The following ARGLU1 variants were observed in gnomAD, a reference collection of about 807,000 sequenced individuals.
ARGLU1 encodes arginine and glutamate rich 1, also known as arginine and glutamate-rich protein 1.
In ARGLU1, 9 loss-of-function variants were observed where a neutral mutation model predicts 37.6. That is an observed-to-expected ratio of 0.24 (90% CI 0.14 to 0.42). The LOEUF is 0.42. Among genes scored for constraint, ARGLU1 ranks in the 10% least tolerant of loss-of-function variants. The pLI, the probability that ARGLU1 is intolerant of heterozygous loss-of-function variation, is 1.00. For synonymous variants in ARGLU1, 166 were observed against 138.5 expected, an observed-to-expected ratio of 1.20 and a Z score of -1.39; for missense variants, 211 against 359.2, an observed-to-expected ratio of 0.59 and a Z score of 3.34.
At chr13:106,549,831 G>A (rs1880489667) in intron 3 of ARGLU1, among the ~76,000 whole-genome samples, 1 of 152,212 alleles carries the variant, frequency 6.6e-6, no homozygotes, top group Non-Finnish European at 1.5e-5. Flanking sequence ...AAAGGAGGAA[G>A]TGACTGAGAT....
chr13:106,548,182 A>C (rs1880443219), intron 3 of ARGLU1, among the ~76,000 whole-genome samples: 1 of 152,228 alleles, frequency 6.6e-6, no homozygotes, highest in Admixed American at 6.5e-5. Flanking sequence ...CTTTGACAAA[A>C]AAAAAGACTA....
Position 106,567,566 on chromosome 13 carries a change from C to A in ARGLU1, c.347+7G>T, listed in dbSNP as rs765294578. 2 of 1,583,814 alleles carry A rather than the reference C, an allele frequency of 1.3e-6. No individual in the cohort carries two copies. The highest frequency in any genetic ancestry group is 3.3e-5 in the Admixed American group (2 of 59,902). On this transcript the variant is annotated splice_region_variant and intron_variant, in intron 1 of 3. Transcript: ENST00000400198. The surrounding 1 kb of genome is among the most constrained non-coding windows in gnomAD (Gnocchi z 4.3). ...ACGCCCCGGTCCCTCCCCGCGCGGG[C>A]ACTCACATTTTTCGCTGCCGCTCGA...
chr13:106,560,486 A>T (rs1489408500), intron 1 of ARGLU1, among the ~76,000 whole-genome samples: 1 of 152,234 alleles, frequency 6.6e-6, no homozygotes. Context: ...GACAGCCACC[A>T]GTCATATGTG....
At chr13:106,544,523 T>C (rs1880343132) in intron 3 of ARGLU1, among the ~76,000 whole-genome samples, 1 of 151,284 alleles carries the variant, frequency 6.6e-6, no homozygotes, top group South Asian at 2.1e-4. Context: ...ATTTTGGAAG[T>C]GGAAATTAAT....
At chr13:106,554,169 G>A (rs981848170) in intron 3 of ARGLU1, among the ~76,000 whole-genome samples, 1 of 152,150 alleles carries the variant, frequency 6.6e-6, no homozygotes, top group South Asian at 2.1e-4. Flanking sequence ...CATGGTATTA[G>A]TAACTTTTTT....
intron 1 of ARGLU1, among the ~76,000 whole-genome samples, chr13:106,562,892 A>G (rs952942366): frequency 1.3e-5 from 2 of 150,252 alleles, no homozygotes; most frequent in African/African-American, 4.9e-5. Context: ...GGGTGCCTGC[A>G]GTCCCAGCTA....
intron 1 of ARGLU1, chr13:106,561,917 AGGCAG>A (rs1880811837): frequency 6.6e-6 from 1 of 152,254 alleles, no homozygotes; most frequent in Admixed American, 6.5e-5. Flanking sequence ...CAGGCAGTAC[AGGCAG>A]GCCGTGGGCT....
At chr13:106,555,727 G>A (rs1181561281) in intron 3 of ARGLU1, among the ~76,000 whole-genome samples, 2 of 152,066 alleles carry the variant, frequency 1.3e-5, no homozygotes, top group African/African-American at 4.8e-5. Flanking sequence ...AATAATAGAG[G>A]ACTGTAAGAA....
At chr13:106,551,687 A>C (rs887792540) in intron 3 of ARGLU1, among the ~76,000 whole-genome samples, 1 of 152,208 alleles carries the variant, frequency 6.6e-6, no homozygotes, top group African/African-American at 2.4e-5. Context: ...AAGGGTGTCC[A>C]TTCTCCTTCT....
intron 3 of ARGLU1, among the ~76,000 whole-genome samples, chr13:106,546,019 T>C (rs1178436349): frequency 2.0e-5 from 3 of 152,234 alleles, no homozygotes; most frequent in Non-Finnish European, 4.4e-5. Context: ...ATCTGCCCTT[T>C]ACACTTTCCC....
chr13:106,563,493 A>G (rs1409238883), intron 1 of ARGLU1, among the ~76,000 whole-genome samples: 1 of 152,046 alleles, frequency 6.6e-6, no homozygotes, highest in African/African-American at 2.4e-5. Flanking sequence ...CACAGATTTA[A>G]CGACCAAAAA....
Position 106,544,130 on chromosome 13 carries a change from GTTC to G in ARGLU1, c.685_687del (p.Glu229del), listed in dbSNP as rs1209768324. ...ATCCTTTCCTCATGAATCTTTCTTT[GTTC>G]TTCAACAATTCTCAACTGTTCTTCG... On this transcript the variant is annotated inframe_deletion, in exon 4 of 4. Transcript: ENST00000400198. The G allele has an allele frequency of 6.3e-7, 1 of 1,586,690 alleles. No homozygotes were observed. Among genetic ancestry groups the G allele is most frequent in the African/African-American group, 1.4e-5 (1 of 73,080 alleles).
At chr13:106,566,352 C>A (rs1033442066) in intron 1 of ARGLU1, among the ~76,000 whole-genome samples, 1 of 152,174 alleles carries the variant, frequency 6.6e-6, no homozygotes, top group Admixed American at 6.5e-5. Context: ...CTACCTAACA[C>A]AAACCCAACT....
At chr13:106,563,057 A>G (rs1005739672) in intron 1 of ARGLU1, among the ~76,000 whole-genome samples, 2 of 151,264 alleles carry the variant, frequency 1.3e-5, no homozygotes, top group Admixed American at 6.6e-5. Context: ...GCTAACTATT[A>G]AAAACAAAAC....
intron 1 of ARGLU1, among the ~76,000 whole-genome samples, chr13:106,565,061 C>T (rs1880923210): frequency 6.6e-6 from 1 of 152,226 alleles, no homozygotes; most frequent in Admixed American, 6.5e-5. Context: ...GTGTAAACTT[C>T]TGTACCCACC....
In ARGLU1 at chr13:106,559,581, C is replaced by T; in HGVS notation, c.424G>A (p.Val142Met). 1 of 1,614,164 alleles carries T rather than the reference C, an allele frequency of 6.2e-7. No homozygotes were observed. The highest frequency in any genetic ancestry group is 8.5e-7 in the Non-Finnish European group (1 of 1,180,042). ...RRVEELVAKRVEEELEKRKDE... is the reference protein window; with the variant it reads ...RRVEELVAKRMEEELEKRKDE... The stretch of plus-strand genomic sequence containing the variant: ...TTCCTTTTCTCCAGTTCTTCCTCCA[C>T]CCTTTTTGCTACCAATTCTTCTACT... The change falls in exon 2 of 4, where the codon GTG becomes ATG. Residue 142 changes from valine (V) to methionine (M), a missense_variant. By Grantham distance (21) the Val-to-Met change is conservative (BLOSUM62 1). Transcript: ENST00000400198.
In ARGLU1 at chr13:106,557,036, C is replaced by CT. The variant is rs767994155; in HGVS notation, c.657+11dup. On this transcript the variant is annotated intron_variant, in intron 3 of 3. Coordinates refer to ENST00000400198, the MANE Select transcript of ARGLU1 (RefSeq NM_018011.4). The surrounding 1 kb of genome is among the most constrained non-coding windows in gnomAD (Gnocchi z 5.0). ...AAATACAAAACACTTTTCATGTATG[C>CT]TTTACACTTACCAGTTTGGCTTGTG... 2 of 1,607,334 alleles carry CT rather than the reference C, an allele frequency of 1.2e-6. No individual in the cohort carries two copies. The highest frequency in any genetic ancestry group is 2.7e-5 in the African/African-American group (2 of 74,870).
chr13:106,555,954 T>C (rs1427423619), intron 3 of ARGLU1, among the ~76,000 whole-genome samples: 1 of 152,206 alleles, frequency 6.6e-6, no homozygotes, highest in Non-Finnish European at 1.5e-5. Flanking sequence ...TTCTGAAACA[T>C]CCATGCCTCA....
At chr13:106,549,340 C>G (rs1880475291) in intron 3 of ARGLU1, among the ~76,000 whole-genome samples, 1 of 152,104 alleles carries the variant, frequency 6.6e-6, no homozygotes, top group Non-Finnish European at 1.5e-5. Flanking sequence ...TTAAACCTTC[C>G]AAGATAAACA....
Sources: gnomAD v4.1 joint callset for allele counts (sites outside exome capture counted in the v4.1 genomes callset) on GRCh38, gnomAD v4.1.1 for gene constraint, Gnocchi (gnomAD v3.1) non-coding constraint, MANE v1.5 for transcripts, NCBI Gene and HGNC (gene_info 2026-07-23, HGNC 2026-07-21) for gene names.